Variants in CELF2 observed in about 807,000 individuals in gnomAD.
CELF2 encodes the protein CUG triplet repeat RNA-binding protein 2.
Under a neutral mutation model 62.6 loss-of-function variants are expected in CELF2, and 8 were observed. The observed-to-expected ratio is 0.13, with a 90% CI of 0.07 to 0.23. CELF2 has a LOEUF of 0.23. Ranked by LOEUF, CELF2 falls within the 10% of genes least tolerant of loss-of-function variation. CELF2 has a pLI of 1.00. For synonymous variants in CELF2, 258 were observed against 250.0 expected (o/e 1.03, Z -0.30); for missense variants, 333 against 671.0 (o/e 0.50, Z 5.56).
chr10:11,194,630 AG>A (rs1421507352), intron 2 of CELF2, among the ~76,000 whole-genome samples: 1 of 152,174 alleles, frequency 6.6e-6, no homozygotes, highest in Non-Finnish European at 1.5e-5. Context: ...CACTCTTGCT[AG>A]CCCTCCCCAT....
At position 10,972,334 on chromosome 10, in the gene CELF2, T is replaced by C. The variant is rs935714763; in HGVS notation, c.89+52335T>C. Among the ~76,000 whole-genome samples the C allele has an allele frequency of 2.6e-5, 4 of 152,238 alleles. No individual in the cohort carries two copies. Among genetic ancestry groups the C allele is most frequent in the South Asian group, 2.1e-4 (1 of 4,836 alleles). On this transcript the variant is annotated intron_variant, in intron 2 of 13. Transcript: ENST00000636488. The surrounding 1 kb of genome is among the most constrained non-coding windows in gnomAD (Gnocchi z 4.4). The stretch of plus-strand genomic sequence containing the variant: ...CATCATCCCCTGTAAAAATTCACAA[T>C]AGAAATTAGCAAGCTGTTTTGCTTT...
chr10:10,462,615 CTTTT>C, the CELF2 span, among the ~76,000 whole-genome samples: 2 of 69,414 alleles, frequency 2.9e-5, no homozygotes, highest in Non-Finnish European at 5.1e-5. Flanking sequence ...TTTTTTTCAT[CTTTT>C]TTTTTTTTTT....
At chr10:11,062,668 G>A (rs2067081595) in intron 1 of CELF2, among the ~76,000 whole-genome samples, 1 of 152,206 alleles carries the variant, frequency 6.6e-6, no homozygotes, top group African/African-American at 2.4e-5. Flanking sequence ...TCTTACGGAT[G>A]AGCAAAGAAA....
chr10:11,111,829 G>A (rs143693056), intron 1 of CELF2, among the ~76,000 whole-genome samples: 3 of 152,290 alleles, frequency 2.0e-5, no homozygotes, highest in Non-Finnish European at 4.4e-5. Flanking sequence ...ACAGTAATAC[G>A]TCTTAGAAAG....
intron 1 of CELF2, among the ~76,000 whole-genome samples, chr10:10,881,089 C>T (rs1368213779): frequency 6.6e-6 from 1 of 152,164 alleles, no homozygotes; most frequent in East Asian, 1.9e-4. Flanking sequence ...TTTAATTTTG[C>T]AACTTCACTT....
At chr10:10,766,596 A>G in the CELF2 span, among the ~76,000 whole-genome samples, 1 of 152,110 alleles carries the variant, frequency 6.6e-6, no homozygotes. Flanking sequence ...GAGGTTAGGT[A>G]CTCAGCAGCA....
the CELF2 span, among the ~76,000 whole-genome samples, chr10:10,636,437 T>C: frequency 6.6e-6 from 1 of 152,198 alleles, no homozygotes; most frequent in Non-Finnish European, 1.5e-5. Context: ...AAAATCAGAT[T>C]CACATTTCTG....
At position 10,990,696 on chromosome 10, in the gene CELF2, C is replaced by T. The variant is rs1482699673; in HGVS notation, c.89+70697C>T. Among the ~76,000 whole-genome samples the T allele has an allele frequency of 6.6e-6, 1 of 152,014 alleles. No homozygotes were observed. Among genetic ancestry groups the T allele is most frequent in the African/African-American group, 2.4e-5 (1 of 41,408 alleles). On this transcript the variant is annotated intron_variant, in intron 2 of 13. Transcript: ENST00000636488. This position sits in a 1 kb window ranked among gnomAD's most constrained non-coding sequence, Gnocchi z 4.6. ...AAGGCTAAAAAAGATAATGATCTTC[C>T]AGAGATTTGTAGATAAATAATTGTT... is the stretch of plus-strand genomic sequence containing the variant.
chr10:10,765,365 G>C, the CELF2 span, among the ~76,000 whole-genome samples: 2 of 152,130 alleles, frequency 1.3e-5, no homozygotes, highest in African/African-American at 4.8e-5. Context: ...TTCTGTCTGC[G>C]GGAAGCTGGC....
At chr10:11,323,045 T>C (rs1158010066) in intron 11 of CELF2, among the ~76,000 whole-genome samples, 1 of 152,182 alleles carries the variant, frequency 6.6e-6, no homozygotes, top group African/African-American at 2.4e-5. Context: ...TAGAGCAGTT[T>C]AGGGATGAAG....
rs61580670 is a variant in CELF2, at chr10:11,025,239, G to GTGTGTGTGTA, written c.74+7077_74+7078insGTGTGTGTAT. Among the ~76,000 whole-genome samples, 1,094 of 141,080 alleles carry GTGTGTGTGTA rather than the reference G, an allele frequency of 7.8e-3. 32 individuals are homozygous for GTGTGTGTGTA. Among genetic ancestry groups the GTGTGTGTGTA allele is most frequent in the Admixed American group, 0.045 (612 of 13,554 alleles). 92.6% of individuals were successfully genotyped at this position (141,080 alleles called of 152,430 possible). A position where few individuals can be genotyped will look rare whatever the true frequency, so the allele number is the denominator to read the frequency against. ...TGTGTGTGTGTGTGTGTGTGTGTGT[G>GTGTGTGTGTA]TATATGTATGTGACTGTATATCTGG... On this transcript the variant is annotated intron_variant, in intron 1 of 12. Coordinates refer to ENST00000633077, the MANE Select transcript of CELF2 (RefSeq NM_001326342.2).
rs923671292 is a variant in CELF2, at chr10:10,938,512, T to C, written c.89+18513T>C. On this transcript the variant is annotated intron_variant, in intron 2 of 13. Coordinates refer to the CELF2 transcript ENST00000636488. The surrounding 1 kb of genome is among the most constrained non-coding windows in gnomAD (Gnocchi z 4.2). ...CACTGAGGGATATGTTAAAATACCA[T>C]TGCAAACATGTCAGGCAACTCAAGT... Among the ~76,000 whole-genome samples, 2 of 152,246 alleles carry C rather than the reference T, an allele frequency of 1.3e-5. No homozygotes were observed. Among genetic ancestry groups the C allele is most frequent in the Non-Finnish European group, 2.9e-5 (2 of 68,042 alleles).
At chr10:11,018,192 C>A in intron 1 of CELF2, 29 bp downstream of exon 1, 1 of 1,498,636 alleles carries the variant, frequency 6.7e-7, no homozygotes, top group South Asian at 1.2e-5. Flanking sequence ...CGAGGCCGGG[C>A]GAGCGGGCGT....
chr10:10,918,039 A>G (rs1380404599), intron 1 of CELF2: 2 of 152,224 alleles, frequency 1.3e-5, no homozygotes, highest in Non-Finnish European at 2.9e-5. Context: ...TGTTACTACA[A>G]TCAAGCTGTA....
At chr10:10,643,454 C>T in the CELF2 span, among the ~76,000 whole-genome samples, 1 of 152,154 alleles carries the variant, frequency 6.6e-6, no homozygotes, top group Non-Finnish European at 1.5e-5. Flanking sequence ...TTGCCTTCTA[C>T]CATGATTGTG....
At chr10:11,320,944 A>C in intron 10 of CELF2, 1 of 1,543,576 alleles carries the variant, frequency 6.5e-7, no homozygotes, top group Middle Eastern at 1.7e-4. Flanking sequence ...GTCTCGTCTA[A>C]CTCGTGCCAC....
rs987671076 is a variant in CELF2, at chr10:10,997,747, A to G, written c.89+77748A>G. ...GACAAGTAGGCAGTGGTTGACAAAG[A>G]AAAGAACCTCCCTCACGGGCCCCGT... On this transcript the variant is annotated intron_variant, in intron 2 of 13. Coordinates refer to the CELF2 transcript ENST00000636488. This position sits in a 1 kb window ranked among gnomAD's most constrained non-coding sequence, Gnocchi z 5.3. Among the ~76,000 whole-genome samples, 1 of 152,192 alleles carries G rather than the reference A, an allele frequency of 6.6e-6. No homozygotes were observed. The highest frequency in any genetic ancestry group is 2.4e-5 in the African/African-American group (1 of 41,442).
At chr10:11,134,841 G>A (rs560381722) in intron 1 of CELF2, among the ~76,000 whole-genome samples, 3 of 152,182 alleles carry the variant, frequency 2.0e-5, no homozygotes, top group African/African-American at 4.8e-5. Context: ...GCAGGGAAAT[G>A]CAGTGAATCT....
At chr10:10,568,759 G>A in the CELF2 span, among the ~76,000 whole-genome samples, 1 of 152,118 alleles carries the variant, frequency 6.6e-6, no homozygotes, top group Non-Finnish European at 1.5e-5. Context: ...GAGGAGGAGG[G>A]TTAGGGAGGG....
Sources: gnomAD v4.1 joint callset for allele counts (sites outside exome capture counted in the v4.1 genomes callset) on GRCh38, gnomAD v4.1.1 for gene constraint, Gnocchi (gnomAD v3.1) non-coding constraint, MANE v1.5 for transcripts, NCBI Gene and HGNC (gene_info 2026-07-23, HGNC 2026-07-21) for gene names.